ESRRB: variants seen among roughly 807,000 people sequenced by gnomAD.
ESRRB encodes the protein steroid hormone receptor ERR2.
In ESRRB, 16 loss-of-function variants were observed where a neutral mutation model predicts 46.0. The observed-to-expected ratio is 0.35, with a 90% CI of 0.24 to 0.53. The LOEUF is 0.53. Ranked by LOEUF, ESRRB falls within the 20% of genes least tolerant of loss-of-function variation. The probability of loss-of-function intolerance (pLI) is 0.93; values close to 1 mark genes in which losing one functional copy is unlikely to be tolerated. For missense variants in ESRRB, 488 were observed against 607.4 expected (o/e 0.80, Z 2.07); for synonymous variants, 246 against 259.6 (o/e 0.95, Z 0.50).
chr14:76,438,400 A>G (rs1471408636), intron 1 of ESRRB, among the ~76,000 whole-genome samples: 2 of 152,132 alleles, frequency 1.3e-5, no homozygotes, highest in Non-Finnish European at 2.9e-5. Context: ...AGTGGCTCAC[A>G]CCTGTAATCC....
chr14:76,484,040 G>A (rs1256795657), intron 5 of ESRRB, among the ~76,000 whole-genome samples: 1 of 152,154 alleles, frequency 6.6e-6, no homozygotes. Flanking sequence ...ATTTTTAGTA[G>A]AGACGGGGTT....
Position 76,404,001 on chromosome 14 carries a change from G to A in ESRRB, c.50+27550G>A, listed in dbSNP as rs182825224. ...CCCAAAGTGCTGGGATTACAGGCGTGAGCCACCATGCCCGGCTGGGAGCAG... is the reference window on the plus strand; with the variant it reads ...CCCAAAGTGCTGGGATTACAGGCGTAAGCCACCATGCCCGGCTGGGAGCAG... On this transcript the variant is annotated intron_variant, in intron 1 of 6. Coordinates refer to ENST00000644823, the MANE Select transcript of ESRRB (RefSeq NM_001379180.1). Among the ~76,000 whole-genome samples, 7 of 152,278 alleles carry A rather than the reference G, an allele frequency of 4.6e-5. No homozygotes were observed. The East Asian group carries it at 1.4e-3, about 29-fold the overall frequency.
chr14:76,448,476 G>A (rs972701773), intron 2 of ESRRB, among the ~76,000 whole-genome samples: 2 of 148,456 alleles, frequency 1.3e-5, no homozygotes, highest in African/African-American at 5.0e-5. Context: ...TTACAGGCAC[G>A]CACCACCATG....
At position 76,444,222 on chromosome 14, in the gene ESRRB, G is replaced by A. The variant is rs375741724; in HGVS notation, c.460+4472G>A. On this transcript the variant is annotated intron_variant, in intron 2 of 6. Coordinates refer to ENST00000644823, the MANE Select transcript of ESRRB (RefSeq NM_001379180.1). ...TAATTTTTGTATTTTTAGTAGAGAC[G>A]GGGTTTCGTCATGTTGGCCAGGCTG... is the stretch of plus-strand genomic sequence containing the variant. Among the ~76,000 whole-genome samples, 71 of 152,078 alleles carry A rather than the reference G, an allele frequency of 4.7e-4. 2 individuals are homozygous for A. In the South Asian group the frequency reaches 0.013, roughly 29 times the overall value.
At chr14:76,350,518 G>A (rs974600373) in intron 1 of ESRRB, among the ~76,000 whole-genome samples, 2 of 152,166 alleles carry the variant, frequency 1.3e-5, no homozygotes, top group Non-Finnish European at 2.9e-5. Flanking sequence ...CTACCAGGAC[G>A]GCAGAAGCCA....
chr14:76,312,259 C>T (rs1046740974), intron 1 of ESRRB, among the ~76,000 whole-genome samples: 23 of 152,106 alleles, frequency 1.5e-4, no homozygotes, highest in Admixed American at 5.9e-4. Flanking sequence ...TCATCTAACT[C>T]GATGAAAGTT....
At chr14:76,319,643 G>A (rs1883844421) in intron 1 of ESRRB, among the ~76,000 whole-genome samples, 1 of 152,100 alleles carries the variant, frequency 6.6e-6, no homozygotes, top group African/African-American at 2.4e-5. Context: ...GAAACCAGTG[G>A]GTATCAAGCA....
Position 76,462,618 on chromosome 14 carries a change from C to T in ESRRB, c.534C>T (p.Ala178=). ...ITKRRRKSCQ[A]CRFMKCLKVG... is the part of the protein sequence containing the mutation. ...AACGGAGGCGCAAGTCCTGCCAGGCCTGCCGCTTCATGAAATGCCTCAAAG... is the reference window on the plus strand; with the variant it reads ...AACGGAGGCGCAAGTCCTGCCAGGCTTGCCGCTTCATGAAATGCCTCAAAG... The change falls in exon 3 of 7, where the codon GCC becomes GCT. Residue 178 remains alanine, a synonymous_variant. Transcript: ENST00000644823. 1 of 1,614,116 alleles carries T rather than the reference C, an allele frequency of 6.2e-7. No homozygotes were observed. Among genetic ancestry groups the T allele is most frequent in the African/African-American group, 1.3e-5 (1 of 75,060 alleles).
rs898136518 is a variant in ESRRB at position 76,383,178 on chromosome 14, T to G, written c.50+6727T>G. 5.2e-4 allele frequency among the ~76,000 whole-genome samples: 79 copies of G among 152,238 alleles called. 1 individual carries two copies. The highest frequency in any genetic ancestry group is 1.8e-3 in the African/African-American group (76 of 41,466). ...ACTGTACGAATGTGAAGTGTCAAAT[T>G]GAATTCAATCTTTTCTATCAAGGAA... On this transcript the variant is annotated intron_variant, in intron 1 of 6. Coordinates refer to ENST00000644823, the MANE Select transcript of ESRRB (RefSeq NM_001379180.1).
At chr14:76,435,625 T>A (rs999994355) in intron 1 of ESRRB, among the ~76,000 whole-genome samples, 5 of 152,176 alleles carry the variant, frequency 3.3e-5, no homozygotes, top group Non-Finnish European at 7.4e-5. Flanking sequence ...AAGTCAGGAG[T>A]TCGAGACCAG....
At chr14:76,352,331 A>T (rs983282762) in intron 1 of ESRRB, among the ~76,000 whole-genome samples, 7 of 152,158 alleles carry the variant, frequency 4.6e-5, no homozygotes, top group African/African-American at 1.7e-4. Flanking sequence ...TTAAATCAGA[A>T]CCTGTTGGCG....
At chr14:76,404,137 T>G (rs1354623314) in intron 1 of ESRRB, among the ~76,000 whole-genome samples, 1 of 152,112 alleles carries the variant, frequency 6.6e-6, no homozygotes, top group Non-Finnish European at 1.5e-5. Context: ...TGCATCCTAT[T>G]TTTGCATTAG....
At chr14:76,352,751 A>G (rs1884328435) in intron 1 of ESRRB, among the ~76,000 whole-genome samples, 1 of 152,210 alleles carries the variant, frequency 6.6e-6, no homozygotes, top group Non-Finnish European at 1.5e-5. Context: ...TAACTTTTCT[A>G]TGTCCTCGGC....
intron 1 of ESRRB, among the ~76,000 whole-genome samples, chr14:76,392,266 A>C (rs1010129618): frequency 1.3e-5 from 2 of 152,218 alleles, no homozygotes; most frequent in African/African-American, 4.8e-5. Context: ...CAGCCCTGGC[A>C]GGCAGGGGCA....
At chr14:76,367,796 G>A (rs577562147), upstream of ESRRB, among the ~76,000 whole-genome samples, 2 of 152,258 alleles carry the variant, frequency 1.3e-5, no homozygotes, top group East Asian at 3.9e-4. Context: ...TACAGGGTCA[G>A]CACCTAAGTG....
At chr14:76,352,011 C>CAAAAAAAAAAAAAAAAAAAA (rs1884319857) in intron 1 of ESRRB, among the ~76,000 whole-genome samples, 14 of 109,050 alleles carry the variant, frequency 1.3e-4, no homozygotes, top group East Asian at 2.4e-4. Context: ...AAAAAAAAAG[C>CAAAAAAAAAAAAAAAAAAAA]AAACTCCAAG....
chr14:76,362,759 G>A (rs1044178568), intron 1 of ESRRB, among the ~76,000 whole-genome samples: 5 of 152,276 alleles, frequency 3.3e-5, no homozygotes, highest in Non-Finnish European at 5.9e-5. Flanking sequence ...TGTTTCCTGG[G>A]CTTCCTGGGG....
rs560738053 is a variant in ESRRB, at chr14:76,466,959, A to T, written c.577+4298A>T. ...GGATGGTCTCAGTCTCAACCTTGTGATCTGCCCGCCTCAGCCTCCCAAAGT... is the reference window on the plus strand; with the variant it reads ...GGATGGTCTCAGTCTCAACCTTGTGTTCTGCCCGCCTCAGCCTCCCAAAGT... On this transcript the variant is annotated intron_variant, in intron 3 of 6. Transcript: ENST00000644823. Among the ~76,000 whole-genome samples, 8 of 151,954 alleles carry T rather than the reference A, an allele frequency of 5.3e-5. No homozygotes were observed. The East Asian group carries it at 1.6e-3, about 30-fold the overall frequency.
At chr14:76,489,262 AACAC>A (rs1890126719) in intron 5 of ESRRB, among the ~76,000 whole-genome samples, 1 of 151,610 alleles carries the variant, frequency 6.6e-6, no homozygotes, top group Non-Finnish European at 1.5e-5. Context: ...CACTCCCCCC[AACAC>A]ACTCTCCGGT....
Sources: allele counts gnomAD v4.1 joint callset (sites outside exome capture counted in the v4.1 genomes callset), GRCh38; gene constraint gnomAD v4.1.1; transcripts MANE v1.5; gene names NCBI Gene and HGNC (gene_info 2026-07-23, HGNC 2026-07-21).